The following SNTB1 variants were observed in gnomAD, a reference collection of about 807,000 sequenced individuals.
SNTB1 encodes the protein syntrophin beta 1.
Under a neutral mutation model 48.9 loss-of-function variants are expected in SNTB1, and 36 were observed. The observed-to-expected ratio is 0.74, with a 90% CI of 0.56 to 0.97. SNTB1 has a LOEUF of 0.97. SNTB1 is among the 50% of genes least tolerant of loss of function. The pLI, the probability that SNTB1 is intolerant of heterozygous loss-of-function variation, is 0.00. For synonymous variants in SNTB1, 299 were observed against 294.6 expected, an observed-to-expected ratio of 1.01 and a Z score of -0.15; for missense variants, 786 against 703.4, an observed-to-expected ratio of 1.12 and a Z score of -1.33.
In SNTB1 at chr8:120,707,668, G is replaced by A. The variant is rs1029894845; in HGVS notation, c.572-13760C>T. ...AGAAAAATTTAACAATAAAAAGGTA[G>A]GCAAATCGAGGTTCATAGAGTTTAA... On this transcript the variant is annotated intron_variant, in intron 1 of 6. Coordinates refer to ENST00000517992, the MANE Select transcript of SNTB1 (RefSeq NM_021021.4). Among the ~76,000 whole-genome samples, 8 of 152,186 alleles carry A rather than the reference G, an allele frequency of 5.3e-5. 1 individual carries two copies. In the South Asian group the frequency reaches 1.5e-3, roughly 28 times the overall value.
rs79789132 is a variant in SNTB1 at position 120,635,340 on chromosome 8, T to C, written c.789-2689A>G. Among the ~76,000 whole-genome samples the C allele has an allele frequency of 5.1e-3, 771 of 152,338 alleles. 5 individuals are homozygous for C. The highest frequency in any genetic ancestry group is 8.8e-3 in the Non-Finnish European group (596 of 68,040). On this transcript the variant is annotated intron_variant, in intron 2 of 6. Transcript: ENST00000517992. ...ATGAGAGCTCAACGTGTTTTTCTTC[T>C]ATTTCTTGAAAACTTTATTTTTAAT... is the stretch of plus-strand genomic sequence containing the variant.
chr8:120,637,642 T>C (rs1049377056), intron 2 of SNTB1: 3 of 291,894 alleles, frequency 1.0e-5, no homozygotes, highest in Non-Finnish European at 2.0e-5. Flanking sequence ...CTTCTTACTA[T>C]AGGGTAAACA....
chr8:120,598,385 C>T (rs1418184425), intron 3 of SNTB1, among the ~76,000 whole-genome samples: 1 of 152,250 alleles, frequency 6.6e-6, no homozygotes, highest in African/African-American at 2.4e-5. Context: ...GCCAAACTTT[C>T]TTCATCCTTT....
intron 1 of SNTB1, among the ~76,000 whole-genome samples, chr8:120,809,318 C>G (rs1419981566): frequency 6.6e-6 from 1 of 152,176 alleles, no homozygotes; most frequent in African/African-American, 2.4e-5. Flanking sequence ...TCTCAGAGAC[C>G]CACAGGGTTT....
chr8:120,811,240 C>G, intron 1 of SNTB1, 33 bp downstream of exon 1: 1 of 1,549,080 alleles, frequency 6.5e-7, no homozygotes, highest in Non-Finnish European at 8.7e-7. Context: ...TGTGTGCGCG[C>G]CCGGCGCGGC....
At chr8:120,734,049 A>G (rs913838745) in intron 1 of SNTB1, among the ~76,000 whole-genome samples, 1 of 152,224 alleles carries the variant, frequency 6.6e-6, no homozygotes, top group African/African-American at 2.4e-5. Context: ...TGCTTAGAAG[A>G]TAACAGATAT....
At chr8:120,773,397 A>G (rs778149300) in intron 1 of SNTB1, among the ~76,000 whole-genome samples, 4 of 152,234 alleles carry the variant, frequency 2.6e-5, no homozygotes, top group Non-Finnish European at 5.9e-5. Context: ...AGAGATTGGC[A>G]TGGATGTGAG....
intron 3 of SNTB1, among the ~76,000 whole-genome samples, chr8:120,583,243 G>A (rs1034689659): frequency 2.0e-5 from 3 of 152,142 alleles, no homozygotes; most frequent in African/African-American, 7.2e-5. Flanking sequence ...GCTCACGCCT[G>A]TAATCCTAGC....
intron 4 of SNTB1, among the ~76,000 whole-genome samples, chr8:120,565,359 A>G (rs1441585346): frequency 6.6e-6 from 1 of 152,216 alleles, no homozygotes; most frequent in Non-Finnish European, 1.5e-5. Context: ...TTAGGCACGT[A>G]TAGATATTGG....
At chr8:120,571,113 G>A in intron 4 of SNTB1, 1 of 811,726 alleles carries the variant, frequency 1.2e-6, no homozygotes, top group Non-Finnish European at 1.6e-6. Context: ...GAATGAAAAA[G>A]CAGTCCCCAT....
At chr8:120,768,506 G>A (rs1819565618) in intron 1 of SNTB1, among the ~76,000 whole-genome samples, 1 of 152,156 alleles carries the variant, frequency 6.6e-6, no homozygotes, top group South Asian at 2.1e-4. Flanking sequence ...GGGAGGAGGG[G>A]CAGACAGCAA....
intron 2 of SNTB1, chr8:120,637,826 G>T: frequency 3.4e-6 from 1 of 294,772 alleles, no homozygotes; most frequent in South Asian, 3.6e-5. Context: ...TCTGTCTCTT[G>T]CAAAAGGTTT....
At chr8:120,735,955 C>T (rs1818934966) in intron 1 of SNTB1, among the ~76,000 whole-genome samples, 1 of 152,142 alleles carries the variant, frequency 6.6e-6, no homozygotes, top group African/African-American at 2.4e-5. Context: ...TGTTTTCATA[C>T]TGCTATAAAG....
intron 1 of SNTB1, among the ~76,000 whole-genome samples, chr8:120,705,076 T>A (rs1024992362): frequency 6.6e-6 from 1 of 152,236 alleles, no homozygotes; most frequent in Non-Finnish European, 1.5e-5. Flanking sequence ...GGTTAGACGA[T>A]GTTTAAATGA....
chr8:120,573,453 T>G (rs1815891228), intron 4 of SNTB1, among the ~76,000 whole-genome samples: 2 of 152,208 alleles, frequency 1.3e-5, no homozygotes, highest in African/African-American at 4.8e-5. Flanking sequence ...TAACCTTTAA[T>G]TAGATATGAG....
At chr8:120,590,930 C>T (rs776250155) in intron 3 of SNTB1, among the ~76,000 whole-genome samples, 11 of 152,072 alleles carry the variant, frequency 7.2e-5, no homozygotes, top group East Asian at 1.9e-4. Flanking sequence ...CGTGATCCGC[C>T]GGCCTCGGCC....
At chr8:120,603,413 T>A (rs1377621235) in intron 3 of SNTB1, among the ~76,000 whole-genome samples, 1 of 152,226 alleles carries the variant, frequency 6.6e-6, no homozygotes, top group Non-Finnish European at 1.5e-5. Flanking sequence ...CCTAGATTTT[T>A]AGTTGTCTTT....
chr8:120,730,223 AATCTC>A (rs1334673023), intron 1 of SNTB1, among the ~76,000 whole-genome samples: 2 of 152,136 alleles, frequency 1.3e-5, no homozygotes, highest in Admixed American at 1.3e-4. Context: ...CAGTGGCACA[AATCTC>A]AGCTCACTGC....
intron 2 of SNTB1, among the ~76,000 whole-genome samples, chr8:120,671,277 CT>C (rs563400967): frequency 7.5e-4 from 114 of 152,332 alleles, no homozygotes; most frequent in Middle Eastern, 3.4e-3. Context: ...AAGTTCATTT[CT>C]ACCCAGAACC....
Sources: gnomAD v4.1 joint callset for allele counts (sites outside exome capture counted in the v4.1 genomes callset) on GRCh38, gnomAD v4.1.1 for gene constraint, MANE v1.5 for transcripts, NCBI Gene and HGNC (gene_info 2026-07-23, HGNC 2026-07-21) for gene names.